Variants in MPC1 observed in about 807,000 individuals in gnomAD.
MPC1 encodes the protein mitochondrial pyruvate carrier 1, also known as HSPC040 protein.
Under a neutral mutation model 13.9 loss-of-function variants are expected in MPC1, and 6 were observed. That is an observed-to-expected ratio of 0.43 (90% CI 0.24 to 0.85). The LOEUF is 0.85. MPC1 is among the 40% of genes least tolerant of loss of function. The pLI is 0.24. For missense variants in MPC1, 115 were observed against 143.3 expected (o/e 0.80, Z 1.01); for synonymous variants, 47 against 50.5 (o/e 0.93, Z 0.29).
chr6:166,380,955 A>AAAAAAAAAAG (rs1779755233), intron 1 of MPC1, among the ~76,000 whole-genome samples: 1 of 151,508 alleles, frequency 6.6e-6, no homozygotes, highest in East Asian at 1.9e-4. Flanking sequence ...AAAAAAAAAA[A>AAAAAAAAAAG]AAAAAAAAAG....
intron 1 of MPC1, among the ~76,000 whole-genome samples, chr6:166,372,800 A>G (rs564923616): frequency 1.3e-5 from 2 of 152,058 alleles, no homozygotes; most frequent in South Asian, 2.1e-4. Flanking sequence ...ATTTGGGGAC[A>G]GTAATGCAAA....
chr6:166,382,273 G>A (rs1307679280), intron 1 of MPC1, among the ~76,000 whole-genome samples: 1 of 149,446 alleles, frequency 6.7e-6, no homozygotes, highest in Non-Finnish European at 1.5e-5. Flanking sequence ...CTGTCCTGAG[G>A]AGCGCCGTCG....
Position 166,366,796 on chromosome 6 carries a change from A to C in MPC1, c.171T>G (p.Phe57Leu), listed in dbSNP as rs774759276. Reference protein sequence around the residue: ...SPEIISGRMTFALCCYSLTFM... With the variant: ...SPEIISGRMTLALCCYSLTFM... ...AATTATCCAAATCTGCATTCTTACCAAATGTCATCCGCCCACTGATAATCT... is the reference window on the plus strand; with the variant it reads ...AATTATCCAAATCTGCATTCTTACCCAATGTCATCCGCCCACTGATAATCT... The change falls in exon 3 of 5, where the codon TTT becomes TTG. Residue 57 changes from phenylalanine to leucine, a missense_variant and splice_region_variant. By Grantham distance (22) the Phe-to-Leu change is conservative. Coordinates refer to ENST00000360961, the MANE Select transcript of MPC1 (RefSeq NM_016098.4). 6.2e-7 allele frequency: 1 copy of C among 1,613,820 alleles called. No individual in the cohort carries two copies. The highest frequency in any genetic ancestry group is 1.1e-5 in the South Asian group (1 of 91,084).
At chr6:166,368,702 G>A in intron 2 of MPC1, 1 of 946,024 alleles carries the variant, frequency 1.1e-6, no homozygotes, top group Non-Finnish European at 1.3e-6. Flanking sequence ...TTTTGTAAGG[G>A]AGAGTATCTA....
chr6:166,376,058 A>G (rs545411130), intron 1 of MPC1, among the ~76,000 whole-genome samples: 1 of 152,354 alleles, frequency 6.6e-6, no homozygotes, highest in East Asian at 1.9e-4. Context: ...TTAATGCTGT[A>G]ATGGTGCATA....
intron 1 of MPC1, among the ~76,000 whole-genome samples, chr6:166,380,786 A>G (rs1779740275): frequency 6.6e-6 from 1 of 151,986 alleles, no homozygotes; most frequent in Admixed American, 6.6e-5. Flanking sequence ...TTAAAAATAC[A>G]AAATTAGCCT....
Position 166,382,787 on chromosome 6 carries a change from G to A in MPC1, c.71+19C>T. ...GGAGCCCCTCCGGGTTGCGGGGTTC[G>A]GCCTGCGGCGCTCGTCACCTCATGA... is the stretch of plus-strand genomic sequence containing the variant. On this transcript the variant is annotated intron_variant, in intron 1 of 4. Coordinates refer to ENST00000360961, the MANE Select transcript of MPC1 (RefSeq NM_016098.4). 2 of 1,575,654 alleles carry A rather than the reference G, an allele frequency of 1.3e-6. No individual in the cohort carries two copies. Among genetic ancestry groups the A allele is most frequent in the Non-Finnish European group, 1.7e-6 (2 of 1,163,174 alleles).
chr6:166,382,595 C>T (rs1343525831), intron 1 of MPC1, among the ~76,000 whole-genome samples: 1 of 152,218 alleles, frequency 6.6e-6, no homozygotes. Context: ...CCACTGTCAC[C>T]GGCTCTCTAC....
In MPC1 at chr6:166,365,558, C is replaced by T; in HGVS notation, c.306-105G>A. 1.1e-6 allele frequency: 1 copy of T among 871,286 alleles called. No individual in the cohort carries two copies. The highest frequency in any genetic ancestry group is 2.0e-5 in the South Asian group (1 of 49,478). The allele number at this position is 871,286 out of a possible 1,614,324, so 54.0% of individuals were successfully genotyped here. On this transcript the variant is annotated intron_variant, in intron 4 of 4. Transcript: ENST00000360961. The surrounding 1 kb of genome is among the most constrained non-coding windows in gnomAD (Gnocchi z 4.2). Reference sequence around the variant, plus strand: ...AGACACCTTTACATAACATTTATTTCAACTTACAACTTATAAAAACAATAA... The same window carrying T: ...AGACACCTTTACATAACATTTATTTTAACTTACAACTTATAAAAACAATAA...
At chr6:166,378,202 A>T (rs1345539347) in intron 1 of MPC1, among the ~76,000 whole-genome samples, 1 of 152,208 alleles carries the variant, frequency 6.6e-6, no homozygotes, top group Non-Finnish European at 1.5e-5. Context: ...TTTTACTGCA[A>T]CTTCTCACCT....
chr6:166,378,491 T>TACAAA (rs1779652564), intron 1 of MPC1, among the ~76,000 whole-genome samples: 1 of 152,024 alleles, frequency 6.6e-6, no homozygotes, highest in South Asian at 2.1e-4. Flanking sequence ...GAGGAATAAG[T>TACAAA]CGCTAGAATA....
intron 3 of MPC1, 44 bp from the exon 4 acceptor site, chr6:166,366,150 C>G: frequency 3.1e-6 from 5 of 1,598,242 alleles, no homozygotes; most frequent in Non-Finnish European, 4.3e-6. Context: ...ACTTAGAAAA[C>G]TGAGAGGGTT....
At chr6:166,371,733 T>C (rs1779388114) in intron 1 of MPC1, among the ~76,000 whole-genome samples, 1 of 152,198 alleles carries the variant, frequency 6.6e-6, no homozygotes, top group Non-Finnish European at 1.5e-5. Context: ...GAACCCTATA[T>C]ATACTATGTT....
At chr6:166,373,910 G>C (rs897601181) in intron 1 of MPC1, among the ~76,000 whole-genome samples, 1 of 152,206 alleles carries the variant, frequency 6.6e-6, no homozygotes, top group African/African-American at 2.4e-5. Flanking sequence ...TGAACACGGA[G>C]AGGTATCTGC....
At chr6:166,378,172 T>C (rs2114974209) in intron 1 of MPC1, among the ~76,000 whole-genome samples, 1 of 152,338 alleles carries the variant, frequency 6.6e-6, no homozygotes, top group Non-Finnish European at 1.5e-5. Flanking sequence ...TTCCACAAGT[T>C]TGGGAAAGAT....
chr6:166,377,147 C>CT (rs34639126), intron 1 of MPC1, among the ~76,000 whole-genome samples: 90,568 of 138,280 alleles, frequency 0.65, 31,055 homozygotes, highest in East Asian at 0.94. Flanking sequence ...ATTATTTATT[C>CT]TTTTTTTTTT....
intron 1 of MPC1, 133 bp downstream of exon 1, chr6:166,382,673 C>T (rs528941946): frequency 1.1e-6 from 1 of 909,508 alleles, no homozygotes; most frequent in Admixed American, 4.1e-5. Context: ...AGCGCACCCT[C>T]TCGCCTGGGC....
chr6:166,380,568 A>C (rs115605079), intron 1 of MPC1, among the ~76,000 whole-genome samples: 1 of 152,230 alleles, frequency 6.6e-6, no homozygotes, highest in Admixed American at 6.5e-5. Context: ...AAACCCATTT[A>C]GTAGAAGAAA....
At chr6:166,376,200 G>A (rs1744779338) in intron 1 of MPC1, among the ~76,000 whole-genome samples, 1 of 151,916 alleles carries the variant, frequency 6.6e-6, no homozygotes, top group Admixed American at 6.6e-5. Flanking sequence ...AATTTTTAAT[G>A]GAAATTGGCT....
Sources: gnomAD v4.1 joint callset for allele counts (sites outside exome capture counted in the v4.1 genomes callset) on GRCh38, gnomAD v4.1.1 for gene constraint, Gnocchi (gnomAD v3.1) non-coding constraint, MANE v1.5 for transcripts, NCBI Gene and HGNC (gene_info 2026-07-23, HGNC 2026-07-21) for gene names.